Variants in FSIP1 observed in about 807,000 individuals in gnomAD.
The protein encoded by FSIP1 is fibrous sheath interacting protein 1.
A neutral mutation model predicts 60.9 loss-of-function variants in FSIP1; 65 were observed. The observed-to-expected ratio is 1.07, with a 90% CI of 0.87 to 1.31. FSIP1 has a LOEUF of 1.31. Ranked by LOEUF, FSIP1 falls within the 40% of genes most tolerant of loss-of-function variation. FSIP1 has a pLI of 0.00. For synonymous variants in FSIP1, 209 were observed against 221.2 expected, an observed-to-expected ratio of 0.94 and a Z score of 0.49; for missense variants, 675 against 665.5, an observed-to-expected ratio of 1.01 and a Z score of -0.16.
chr15:39,670,484 T>C (rs1430235618), intron 10 of FSIP1, among the ~76,000 whole-genome samples: 9 of 152,234 alleles, frequency 5.9e-5, no homozygotes. Flanking sequence ...TTTGTCTTTT[T>C]CTTTTTCTTT....
At chr15:39,721,349 A>G (rs1232301043) in intron 9 of FSIP1, among the ~76,000 whole-genome samples, 1 of 152,248 alleles carries the variant, frequency 6.6e-6, no homozygotes, top group Non-Finnish European at 1.5e-5. Flanking sequence ...ATAAATCTTC[A>G]AAGGAATTTT....
chr15:39,671,010 CTGCAGAGAAATAGAGGTGTTAAAACAAA>C (rs1460842143), intron 10 of FSIP1, among the ~76,000 whole-genome samples: 1 of 152,168 alleles, frequency 6.6e-6, no homozygotes, highest in East Asian at 1.9e-4. Context: ...ATGCTACCTC[CTGCAGAGAAATAGAGGTGTTAAAACAAA>C]TCAGGTTGAT....
At position 39,724,705 on chromosome 15, in the gene FSIP1, C is replaced by T. The variant is rs192727757; in HGVS notation, c.1050+1884G>A. Reference sequence around the variant, plus strand: ...CTTTTGGATGGCTATATCAGTGCCTCGGACTTCACAGACTTCACTTCATTT... The same window carrying T: ...CTTTTGGATGGCTATATCAGTGCCTTGGACTTCACAGACTTCACTTCATTT... On this transcript the variant is annotated intron_variant, in intron 9 of 11. Transcript: ENST00000350221. Among the ~76,000 whole-genome samples the T allele has an allele frequency of 2.1e-3, 321 of 152,258 alleles. 1 individual carries two copies. Among genetic ancestry groups the T allele is most frequent in the African/African-American group, 7.0e-3 (289 of 41,526 alleles).
chr15:39,731,821 G>A (rs1896415871), intron 8 of FSIP1, among the ~76,000 whole-genome samples: 1 of 152,206 alleles, frequency 6.6e-6, no homozygotes, highest in Non-Finnish European at 1.5e-5. Flanking sequence ...TGAGTGACCT[G>A]AGATCGGATG....
rs548606324 is a variant in FSIP1, at chr15:39,769,031, G to C, written c.310+1396C>G. Among the ~76,000 whole-genome samples, 5 of 152,312 alleles carry C rather than the reference G, an allele frequency of 3.3e-5. No homozygotes were observed. In the South Asian group the frequency reaches 1.0e-3, roughly 32 times the overall value. On this transcript the variant is annotated intron_variant, in intron 3 of 11. Transcript: ENST00000350221. Reference sequence around the variant, plus strand: ...GCGGTGGCTCACGCCTGTAATCCCAGCACTTTGGGAGGCCGAGGCGGGCAG... The same window carrying C: ...GCGGTGGCTCACGCCTGTAATCCCACCACTTTGGGAGGCCGAGGCGGGCAG...
At chr15:39,611,756 A>G (rs1891043786) in intron 11 of FSIP1, among the ~76,000 whole-genome samples, 1 of 152,232 alleles carries the variant, frequency 6.6e-6, no homozygotes, top group African/African-American at 2.4e-5. Context: ...AAGGCCAACT[A>G]TATGCTACCT....
intron 10 of FSIP1, among the ~76,000 whole-genome samples, chr15:39,633,799 G>C (rs373125041): frequency 3.3e-4 from 51 of 152,286 alleles, no homozygotes; most frequent in African/African-American, 1.2e-3. Context: ...AATAGACGCT[G>C]ATTATATCAT....
chr15:39,666,047 G>A (rs12900583), intron 10 of FSIP1, among the ~76,000 whole-genome samples: 84,101 of 151,996 alleles, frequency 0.55, 25,651 homozygotes, highest in Non-Finnish European at 0.7. Context: ...AATAAAATAC[G>A]GCATCAGCAA....
At chr15:39,681,645 A>G (rs938075626) in intron 10 of FSIP1, among the ~76,000 whole-genome samples, 1 of 152,226 alleles carries the variant, frequency 6.6e-6, no homozygotes, top group Non-Finnish European at 1.5e-5. Flanking sequence ...CAACTACAGT[A>G]TAACACAGAA....
At chr15:39,625,333 T>C (rs938994087) in intron 10 of FSIP1, among the ~76,000 whole-genome samples, 1 of 152,060 alleles carries the variant, frequency 6.6e-6, no homozygotes, top group African/African-American at 2.4e-5. Flanking sequence ...TGAGCATGGA[T>C]CGAGGGAGCT....
intron 10 of FSIP1, among the ~76,000 whole-genome samples, chr15:39,631,836 G>A (rs553771746): frequency 9.9e-5 from 15 of 152,140 alleles, no homozygotes; most frequent in Non-Finnish European, 8.8e-5. Flanking sequence ...CTGTTCATAA[G>A]TATTTACAGG....
chr15:39,731,642 C>G (rs867416250), intron 8 of FSIP1, among the ~76,000 whole-genome samples: 1 of 152,154 alleles, frequency 6.6e-6, no homozygotes, highest in Non-Finnish European at 1.5e-5. Context: ...TTCTATCTGT[C>G]TAGCACCTCT....
At chr15:39,599,089 C>T (rs917382462), downstream of FSIP1, 1 of 152,192 alleles carries the variant, frequency 6.6e-6, no homozygotes, top group South Asian at 2.1e-4. Context: ...CCAAGCCTGG[C>T]TAATTCTGTA....
chr15:39,691,625 A>T (rs1894604209), intron 10 of FSIP1, among the ~76,000 whole-genome samples: 1 of 152,246 alleles, frequency 6.6e-6, no homozygotes, highest in Non-Finnish European at 1.5e-5. Context: ...TCTATTAAAG[A>T]AGAGAGATCC....
chr15:39,642,563 A>G (rs1892417926), intron 10 of FSIP1, among the ~76,000 whole-genome samples: 1 of 152,216 alleles, frequency 6.6e-6, no homozygotes, highest in Non-Finnish European at 1.5e-5. Flanking sequence ...ACGTGTTTTC[A>G]GCTGCTTCAT....
rs533533270 is a variant in FSIP1 at position 39,696,702 on chromosome 15, A to G, written c.1188+16742T>C. On this transcript the variant is annotated intron_variant, in intron 10 of 11. Coordinates refer to ENST00000350221, the MANE Select transcript of FSIP1 (RefSeq NM_152597.5). ...AATGAACAGAGAAAGGCCTCATTCA[A>G]TAGACACACTCATATAGTACCATAA... Among the ~76,000 whole-genome samples, 11 of 152,326 alleles carry G rather than the reference A, an allele frequency of 7.2e-5. No individual in the cohort carries two copies. In the South Asian group the frequency reaches 8.3e-4, roughly 11 times the overall value.
chr15:39,772,522 T>TG (rs1897922671), intron 2 of FSIP1, among the ~76,000 whole-genome samples: 1 of 152,084 alleles, frequency 6.6e-6, no homozygotes, highest in African/African-American at 2.4e-5. Flanking sequence ...CTCAAACTCC[T>TG]GGGCTCAAGC....
chr15:39,636,770 AC>A (rs1203274167), intron 10 of FSIP1, among the ~76,000 whole-genome samples: 1 of 152,236 alleles, frequency 6.6e-6, no homozygotes, highest in East Asian at 1.9e-4. Context: ...TTGGCTTTTG[AC>A]TTTTTAACCC....
At chr15:39,621,734 G>A (rs562265260) in intron 10 of FSIP1, among the ~76,000 whole-genome samples, 7 of 152,202 alleles carry the variant, frequency 4.6e-5, no homozygotes, top group Admixed American at 1.3e-4. Context: ...TATCAATCCC[G>A]AACTCTTATA....
Sources: allele counts gnomAD v4.1 joint callset (sites outside exome capture counted in the v4.1 genomes callset), GRCh38; gene constraint gnomAD v4.1.1; transcripts MANE v1.5; gene names NCBI Gene and HGNC (gene_info 2026-07-23, HGNC 2026-07-21).